GABRB1: variants seen among roughly 807,000 people sequenced by gnomAD.
GABRB1 encodes gamma-aminobutyric acid type A receptor subunit beta1.
GABRB1 carries 17 observed loss-of-function variants against 51.6 expected under a neutral mutation model. That is an observed-to-expected ratio of 0.33 (90% CI 0.23 to 0.49). The LOEUF (loss-of-function observed/expected upper bound fraction) is 0.49, where lower values mean the gene tolerates loss of function less well. GABRB1 is among the 20% of genes least tolerant of loss of function. The pLI is 0.99. For synonymous variants in GABRB1, 247 were observed against 218.9 expected (o/e 1.13, Z -1.14); for missense variants, 410 against 600.6 (o/e 0.68, Z 3.32).
rs143638468 is a variant in GABRB1 at position 47,147,240 on chromosome 4, T to G, written c.241-14009T>G. On this transcript the variant is annotated intron_variant, in intron 3 of 8. Coordinates refer to ENST00000295454, the MANE Select transcript of GABRB1 (RefSeq NM_000812.4). ...CTCCTCAAGTATTTACATTCTTTTC[T>G]TCATCTCCCATATCCACAGCAACCA... 2.3e-3 allele frequency among the ~76,000 whole-genome samples: 354 copies of G among 152,082 alleles called. 3 individuals carry two copies. Among genetic ancestry groups the G allele is most frequent in the Non-Finnish European group, 3.1e-3 (213 of 67,940 alleles).
In GABRB1 at chr4:47,406,598, G is replaced by A. The variant is rs1029047798; in HGVS notation, c.836-84G>A. On this transcript the variant is annotated intron_variant, in intron 7 of 8. Coordinates refer to ENST00000295454, the MANE Select transcript of GABRB1 (RefSeq NM_000812.4). ...CACTCAGGGGCACCAATAAGGAAGT[G>A]GCAAATGGCATCTGTCCTCTCAATC... 4 of 1,545,300 alleles carry A rather than the reference G, an allele frequency of 2.6e-6. No homozygotes were observed. The African/African-American group carries it at 4.1e-5, about 16-fold the overall frequency.
rs532449793 is a variant in GABRB1 at position 47,162,938 on chromosome 4, A to G, written c.461+1469A>G. Among the ~76,000 whole-genome samples the G allele has an allele frequency of 4.6e-5, 7 of 152,148 alleles. No individual in the cohort carries two copies. In the East Asian group the frequency reaches 1.4e-3, roughly 30 times the overall value. On this transcript the variant is annotated intron_variant, in intron 4 of 8. Coordinates refer to ENST00000295454, the MANE Select transcript of GABRB1 (RefSeq NM_000812.4). ...CACCAATTTTCTCTGTAAGAGCCTC[A>G]CACTAGTTCTCATAGCTTCCCTTTC...
Position 47,269,935 on chromosome 4 carries a change from TACACACACACAC to T in GABRB1, c.462-50162_462-50151del, listed in dbSNP as rs10639386. ...CTAAGGTGTCCTTGTCAACTCTCCC[TACACACACACAC>T]ACACACACACACACACACACACACA... On this transcript the variant is annotated intron_variant, in intron 4 of 8. Coordinates refer to ENST00000295454, the MANE Select transcript of GABRB1 (RefSeq NM_000812.4). 6.6e-5 allele frequency among the ~76,000 whole-genome samples: 9 copies of T among 136,056 alleles called. 1 individual carries two copies. The South Asian group carries it at 7.8e-4, about 12-fold the overall frequency. The allele number at this position is 136,056 out of a possible 152,430, so 89.3% of individuals were successfully genotyped here. A position where few individuals can be genotyped will look rare whatever the true frequency, so the allele number is the denominator to read the frequency against.
intron 3 of GABRB1, among the ~76,000 whole-genome samples, chr4:47,076,956 T>A (rs1390513346): frequency 6.6e-6 from 1 of 152,218 alleles, no homozygotes; most frequent in Non-Finnish European, 1.5e-5. Flanking sequence ...AACCAAATCA[T>A]GGGTTAACAA....
intron 3 of GABRB1, among the ~76,000 whole-genome samples, chr4:47,159,595 T>A (rs900655025): frequency 6.6e-6 from 1 of 152,078 alleles, no homozygotes; most frequent in African/African-American, 2.4e-5. Context: ...CAAACGTGAA[T>A]ATCCTTTTGC....
chr4:47,242,051 G>C (rs1297437076), intron 4 of GABRB1, among the ~76,000 whole-genome samples: 5 of 144,110 alleles, frequency 3.5e-5, no homozygotes, highest in East Asian at 2.3e-4. Flanking sequence ...CCCACCCCAC[G>C]ACAGGCCCCG....
At chr4:47,294,117 G>T (rs889118154) in intron 4 of GABRB1, among the ~76,000 whole-genome samples, 1 of 152,110 alleles carries the variant, frequency 6.6e-6, no homozygotes, top group Non-Finnish European at 1.5e-5. Flanking sequence ...TTATCTAGGT[G>T]GGGGGCAGCC....
At chr4:47,369,093 G>A (rs991239234) in intron 5 of GABRB1, among the ~76,000 whole-genome samples, 1 of 152,076 alleles carries the variant, frequency 6.6e-6, no homozygotes, top group Non-Finnish European at 1.5e-5. Context: ...GGGTAACAGA[G>A]AGAGACTCCG....
At chr4:47,344,872 A>T (rs1726034545) in intron 5 of GABRB1, among the ~76,000 whole-genome samples, 1 of 151,936 alleles carries the variant, frequency 6.6e-6, no homozygotes, top group Admixed American at 6.6e-5. Context: ...ACAGGTGTGC[A>T]CCACCACGCC....
At chr4:47,041,601 T>C (rs913477547) in intron 3 of GABRB1, among the ~76,000 whole-genome samples, 21 of 152,146 alleles carry the variant, frequency 1.4e-4, no homozygotes, top group African/African-American at 4.8e-4. Context: ...ATAGGGTTTA[T>C]TTGGTATCTT....
At chr4:47,406,436 T>C (rs991193293) in intron 7 of GABRB1, among the ~76,000 whole-genome samples, 2 of 152,212 alleles carry the variant, frequency 1.3e-5, no homozygotes, top group African/African-American at 2.4e-5. Context: ...TTTTGTGCAA[T>C]TAAAAAAATG....
At chr4:47,378,534 G>A (rs1727478356) in intron 5 of GABRB1, among the ~76,000 whole-genome samples, 1 of 152,230 alleles carries the variant, frequency 6.6e-6, no homozygotes, top group Non-Finnish European at 1.5e-5. Context: ...GGCTCCTCAA[G>A]TGCTGCCAAA....
At chr4:47,236,440 A>G (rs770530464) in intron 4 of GABRB1, among the ~76,000 whole-genome samples, 2 of 152,172 alleles carry the variant, frequency 1.3e-5, no homozygotes, top group Non-Finnish European at 2.9e-5. Context: ...TATGTATCTC[A>G]GTGTATTAAT....
At chr4:47,336,305 GGT>G (rs1725694898) in intron 5 of GABRB1, among the ~76,000 whole-genome samples, 4 of 152,146 alleles carry the variant, frequency 2.6e-5, no homozygotes. Flanking sequence ...CTCAAGAAGA[GGT>G]CCAAGTGCTT....
chr4:47,411,411 T>C (rs905842096), intron 8 of GABRB1, among the ~76,000 whole-genome samples: 1 of 152,220 alleles, frequency 6.6e-6, no homozygotes, highest in Admixed American at 6.5e-5. Flanking sequence ...GTTATAATAC[T>C]GTATTATTCC....
At chr4:47,046,462 T>G (rs1295875454) in intron 3 of GABRB1, among the ~76,000 whole-genome samples, 1 of 152,124 alleles carries the variant, frequency 6.6e-6, no homozygotes, top group Non-Finnish European at 1.5e-5. Flanking sequence ...TTTACTTTAT[T>G]TTTTAAGAAA....
At position 47,161,393 on chromosome 4, in the gene GABRB1, T is replaced by C; in HGVS notation, c.385T>C (p.Ser129Pro). Reference sequence around the variant, plus strand: ...CACCTACTTTCTGAATGACAAGAAATCATTTGTGCATGGGGTCACAGTGAA... The same window carrying C: ...CACCTACTTTCTGAATGACAAGAAACCATTTGTGCATGGGGTCACAGTGAA... The part of the protein sequence containing the change: ...PDTYFLNDKK[S>P]FVHGVTVKNR... The change falls in exon 4 of 9, where the codon TCA becomes CCA. Residue 129 changes from serine to proline, a missense_variant. Ser to Pro is a moderately conservative substitution (Grantham distance 74). Around this residue, in one of 5 missense-constraint regions of GABRB1, gnomAD observed 100 missense variants for 184.3 expected, o/e 0.54. Transcript: ENST00000295454. 6.2e-7 allele frequency: 1 copy of C among 1,612,830 alleles called. No homozygotes were observed. The highest frequency in any genetic ancestry group is 8.5e-7 in the Non-Finnish European group (1 of 1,179,256).
intron 1 of GABRB1, among the ~76,000 whole-genome samples, chr4:47,010,952 C>T (rs1432255829): frequency 2.0e-5 from 3 of 152,028 alleles, no homozygotes; most frequent in Non-Finnish European, 4.4e-5. Flanking sequence ...TTGAACCTGA[C>T]ACTTTTTTTT....
intron 3 of GABRB1, among the ~76,000 whole-genome samples, chr4:47,099,263 G>T (rs1168079596): frequency 6.6e-6 from 1 of 152,140 alleles, no homozygotes; most frequent in African/African-American, 2.4e-5. Context: ...AGAAATAGGA[G>T]TTTGACTATA....
Sources: allele counts gnomAD v4.1 joint callset (sites outside exome capture counted in the v4.1 genomes callset), GRCh38; gene constraint gnomAD v4.1.1; regional missense constraint gnomAD v4.1.1; transcripts MANE v1.5; gene names NCBI Gene and HGNC (gene_info 2026-07-23, HGNC 2026-07-21).